The following PHEX variants were observed in gnomAD, a reference collection of about 807,000 sequenced individuals.
The protein encoded by PHEX is phosphate regulating endopeptidase X-linked.
PHEX carries 16 observed loss-of-function variants against 68.0 expected under a neutral mutation model. The observed-to-expected ratio is 0.24, with a 90% CI of 0.16 to 0.36. The LOEUF (loss-of-function observed/expected upper bound fraction) is 0.36, where lower values mean the gene tolerates loss of function less well. Ranked by LOEUF, PHEX falls within the 10% of genes least tolerant of loss-of-function variation. The pLI is 1.00. For missense variants in PHEX, 480 were observed against 575.5 expected (o/e 0.83, Z 1.70); for synonymous variants, 208 against 205.1 (o/e 1.01, Z -0.12).
chrX:22,036,873 G>A (rs986827236), intron 1 of PHEX, among the ~76,000 whole-genome samples: 10 of 108,742 alleles, frequency 9.2e-5, no homozygotes, highest in African/African-American at 3.3e-4. Context: ...CGAGGCGGGC[G>A]GATCATGAGG....
At chrX:22,201,065 G>A (rs1473914643) in intron 15 of PHEX, among the ~76,000 whole-genome samples, 1 of 112,121 alleles carries the variant, frequency 8.9e-6, no homozygotes, top group Admixed American at 9.5e-5. Flanking sequence ...TTTACACTGA[G>A]ATTTTAAAAG....
At chrX:22,242,177 C>T (rs1044134728) in intron 20 of PHEX, among the ~76,000 whole-genome samples, 5 of 111,895 alleles carry the variant, frequency 4.5e-5, no homozygotes, top group African/African-American at 1.6e-4. Flanking sequence ...TGACAAAAAC[C>T]ACACGATTAT....
At chrX:22,230,229 CTTTTTTTTTTTTTTT>C (rs140475343) in intron 20 of PHEX, among the ~76,000 whole-genome samples, 10 of 10,940 alleles carry the variant, frequency 9.1e-4, no homozygotes, top group South Asian at 7.5e-3. Flanking sequence ...TATATGGGCT[CTTTTTTTTTTTTTTT>C]TTTTTTTTTT....
rs1401636834 is a variant in PHEX, at chrX:22,237,618, C to G, written c.2071-7715C>G. Among the ~76,000 whole-genome samples, 9 of 111,828 alleles carry G rather than the reference C, an allele frequency of 8.0e-5. No individual in the cohort carries two copies. In the Admixed American group the frequency reaches 8.5e-4, roughly 11 times the overall value. On this transcript the variant is annotated intron_variant, in intron 20 of 21. Coordinates refer to ENST00000379374, the MANE Select transcript of PHEX (RefSeq NM_000444.6). ...ATCTGGGTTTTATTATTTTCCTACT[C>G]AAGAATGACTTTTAAATATAGTTTA...
intron 6 of PHEX, among the ~76,000 whole-genome samples, chrX:22,091,708 C>G (rs370582412): frequency 8.9e-6 from 1 of 112,028 alleles, no homozygotes; most frequent in Admixed American, 9.5e-5. Flanking sequence ...CCAACAAAAG[C>G]AGCTTGCCCA....
At chrX:22,043,701 C>G (rs1473433445) in intron 2 of PHEX, among the ~76,000 whole-genome samples, 1 of 111,669 alleles carries the variant, frequency 9.0e-6, no homozygotes, top group South Asian at 3.7e-4. Context: ...TTGATTAAAT[C>G]TAAAAACAGA....
intron 3 of PHEX, among the ~76,000 whole-genome samples, chrX:22,060,234 T>C (rs189957239): frequency 1.6e-3 from 178 of 110,166 alleles, no homozygotes; most frequent in Non-Finnish European, 1.6e-3. Context: ...GAAATAGTAA[T>C]ACACCAAGTA....
intron 20 of PHEX, among the ~76,000 whole-genome samples, chrX:22,239,885 A>G (rs1366818952): frequency 1.8e-5 from 2 of 111,512 alleles, no homozygotes; most frequent in Non-Finnish European, 3.8e-5. Context: ...CAGGAAATAC[A>G]GAGAACACCG....
intron 13 of PHEX, among the ~76,000 whole-genome samples, chrX:22,176,397 AAAAAAAT>A (rs1209246911): frequency 0.041 from 3,059 of 75,351 alleles, 63 homozygotes; most frequent in Non-Finnish European, 0.057. Context: ...AAAAAAAAAA[AAAAAAAT>A]ATATATATAT....
intron 20 of PHEX, among the ~76,000 whole-genome samples, chrX:22,241,413 A>G (rs1391630170): frequency 8.9e-6 from 1 of 111,862 alleles, no homozygotes; most frequent in Non-Finnish European, 1.9e-5. Flanking sequence ...AGAAAACAAG[A>G]AATAACTAAG....
At chrX:22,123,689 C>G (rs1931586873) in intron 11 of PHEX, among the ~76,000 whole-genome samples, 1 of 110,938 alleles carries the variant, frequency 9.0e-6, no homozygotes, top group Non-Finnish European at 1.9e-5. Flanking sequence ...TAGTAGCTTT[C>G]ATTGGAATAA....
intron 11 of PHEX, among the ~76,000 whole-genome samples, chrX:22,128,620 G>A (rs895271727): frequency 9.0e-6 from 1 of 111,385 alleles, no homozygotes; most frequent in Non-Finnish European, 1.9e-5. Flanking sequence ...CTTGGAGAGT[G>A]CTTATTTTTT....
chrX:22,123,227 G>C (rs1265919333), intron 11 of PHEX, among the ~76,000 whole-genome samples: 1 of 109,863 alleles, frequency 9.1e-6, no homozygotes, highest in African/African-American at 3.3e-5. Context: ...GAGCTTAAGC[G>C]ATCTGCCCGC....
intron 5 of PHEX, among the ~76,000 whole-genome samples, chrX:22,080,041 C>T (rs1212280987): frequency 9.0e-6 from 1 of 111,316 alleles, no homozygotes; most frequent in Non-Finnish European, 1.9e-5. Flanking sequence ...TATTGTGTGC[C>T]TCCTGGTATC....
At chrX:22,227,727 A>T (rs1935558736) in intron 20 of PHEX, 116 bp downstream of exon 20, 2 of 524,801 alleles carry the variant, frequency 3.8e-6, no homozygotes, top group Non-Finnish European at 6.9e-6. Context: ...TTTCAGCAAA[A>T]ATGTTATCTT....
At chrX:22,122,133 TCA>T (rs1030724225) in intron 11 of PHEX, among the ~76,000 whole-genome samples, 2 of 112,044 alleles carry the variant, frequency 1.8e-5, no homozygotes, top group African/African-American at 6.5e-5. Flanking sequence ...CACATGAAAC[TCA>T]GTGTCATGCA....
chrX:22,201,215 C>T (rs1934541094), intron 15 of PHEX, among the ~76,000 whole-genome samples: 1 of 111,309 alleles, frequency 9.0e-6, no homozygotes, highest in Admixed American at 9.5e-5. Flanking sequence ...CTCACTCTGT[C>T]ACCCAGGCTG....
At chrX:22,243,962 ACT>A (rs1274044981) in intron 20 of PHEX, among the ~76,000 whole-genome samples, 2 of 112,088 alleles carry the variant, frequency 1.8e-5, no homozygotes, top group African/African-American at 3.3e-5. Context: ...AAATCACTCT[ACT>A]ATAAAGACAC....
intron 20 of PHEX, among the ~76,000 whole-genome samples, chrX:22,232,635 T>C (rs1935804612): frequency 1.1e-5 from 1 of 88,546 alleles, no homozygotes; most frequent in Non-Finnish European, 2.2e-5. Context: ...TTGCTTTCCA[T>C]TTGCTTGGTA....
Sources: allele counts gnomAD v4.1 joint callset (sites outside exome capture counted in the v4.1 genomes callset), GRCh38; gene constraint gnomAD v4.1.1; transcripts MANE v1.5; gene names NCBI Gene and HGNC (gene_info 2026-07-23, HGNC 2026-07-21).